NHSL3: variants seen among roughly 807,000 people sequenced by gnomAD.
NHSL3 encodes NHS like 3.
chr1:32,769,886 G>T, the NHSL3 span: 1 of 1,610,180 alleles, frequency 6.2e-7, no homozygotes, highest in Non-Finnish European at 8.5e-7. Context: ...CCAGGCCTGA[G>T]GAATGAGCGT....
At chr1:32,758,795 C>T in the NHSL3 span, among the ~76,000 whole-genome samples, 1 of 152,026 alleles carries the variant, frequency 6.6e-6, no homozygotes, top group Non-Finnish European at 1.5e-5. Context: ...GTACCTGGCT[C>T]AGGATCATGT....
the NHSL3 span, among the ~76,000 whole-genome samples, chr1:32,747,341 AT>A: frequency 1.3e-5 from 2 of 151,700 alleles, no homozygotes; most frequent in Non-Finnish European, 2.9e-5. Context: ...TGCCTGGCTA[AT>A]TTTTGTATTT....
the NHSL3 span, among the ~76,000 whole-genome samples, chr1:32,758,185 C>T: frequency 6.6e-6 from 1 of 152,200 alleles, no homozygotes; most frequent in Non-Finnish European, 1.5e-5. Context: ...CTCCCCTTCC[C>T]AGGCTAGCTG....
the NHSL3 span, among the ~76,000 whole-genome samples, chr1:32,744,967 A>G: frequency 6.6e-6 from 1 of 152,066 alleles, no homozygotes; most frequent in Non-Finnish European, 1.5e-5. Context: ...CTCTACTAAA[A>G]TACAAAAAAT....
chr1:32,765,593 G>A, the NHSL3 span: 45 of 1,492,954 alleles, frequency 3.0e-5, no homozygotes, highest in Non-Finnish European at 1.8e-6. Flanking sequence ...CAGTGGCGAA[G>A]GTGGGAGGAG....
the NHSL3 span, chr1:32,770,148 A>T: frequency 6.3e-7 from 1 of 1,589,968 alleles, no homozygotes; most frequent in Non-Finnish European, 8.6e-7. The surrounding 1 kb of genome is among the most constrained non-coding windows in gnomAD (Gnocchi z 8.3). Flanking sequence ...CCATGTCCCT[A>T]GCAGTGCCTG....
chr1:32,747,483 G>T, the NHSL3 span, among the ~76,000 whole-genome samples: 6 of 152,076 alleles, frequency 3.9e-5, no homozygotes, highest in Admixed American at 2.0e-4. Context: ...GACAAAGATG[G>T]GGTTTAATGG....
chr1:32,772,240 G>C, the NHSL3 span: 6 of 1,605,674 alleles, frequency 3.7e-6, no homozygotes, highest in Non-Finnish European at 5.1e-6. Context: ...GTCACCTAAG[G>C]CTCCCCCACC....
At chr1:32,762,810 A>G in the NHSL3 span, among the ~76,000 whole-genome samples, 1 of 152,070 alleles carries the variant, frequency 6.6e-6, no homozygotes, top group East Asian at 1.9e-4. Flanking sequence ...GGCTGGTCTC[A>G]AACTCCTGAC....
the NHSL3 span, among the ~76,000 whole-genome samples, chr1:32,752,936 CACACACACACACACATATATATAT>C: frequency 1.7e-3 from 16 of 9,186 alleles, no homozygotes; most frequent in Non-Finnish European, 3.0e-3. Context: ...CACACACACA[CACACACACACACACATATATATAT>C]ATATATATTT....
At chr1:32,760,387 G>A in the NHSL3 span, among the ~76,000 whole-genome samples, 9 of 152,214 alleles carry the variant, frequency 5.9e-5, no homozygotes, top group African/African-American at 2.2e-4. Flanking sequence ...GCGCATGCGC[G>A]TGGCCTTGGG....
At chr1:32,755,918 G>C in the NHSL3 span, among the ~76,000 whole-genome samples, 1 of 152,114 alleles carries the variant, frequency 6.6e-6, no homozygotes, top group Admixed American at 6.5e-5. Flanking sequence ...ATGGTCGCTC[G>C]GATCTGATGG....
At chr1:32,752,930 CACACACACACACACACACACAT>C in the NHSL3 span, among the ~76,000 whole-genome samples, 1 of 18,306 alleles carries the variant, frequency 5.5e-5, no homozygotes, top group African/African-American at 1.2e-4. Flanking sequence ...CACACACACA[CACACACACACACACACACACAT>C]ATATATATAT....
the NHSL3 span, among the ~76,000 whole-genome samples, chr1:32,745,143 AAG>A: frequency 6.6e-6 from 1 of 151,394 alleles, no homozygotes; most frequent in African/African-American, 2.4e-5. Context: ...AGAAAAAAAA[AAG>A]AAAATTATAT....
chr1:32,765,659 G>A, the NHSL3 span: 1 of 1,532,576 alleles, frequency 6.5e-7, no homozygotes, highest in African/African-American at 1.4e-5. Context: ...TCTGCGGCGG[G>A]GCGGGAGGGC....
chr1:32,751,615 GC>G, the NHSL3 span, among the ~76,000 whole-genome samples: 3 of 152,132 alleles, frequency 2.0e-5, no homozygotes, highest in Non-Finnish European at 4.4e-5. Context: ...TGTCTGTGGG[GC>G]CTTCATTAAG....
the NHSL3 span, among the ~76,000 whole-genome samples, chr1:32,747,877 C>A: frequency 6.6e-6 from 1 of 151,944 alleles, no homozygotes; most frequent in Non-Finnish European, 1.5e-5. Context: ...GGGGCCAAGG[C>A]GGGAGGGGAT....
At chr1:32,761,321 G>A in the NHSL3 span, among the ~76,000 whole-genome samples, 8 of 152,296 alleles carry the variant, frequency 5.3e-5, no homozygotes, top group South Asian at 1.7e-3. Flanking sequence ...TAGATCTGGG[G>A]TGACTCGGAG....
chr1:32,772,838 T>C, the NHSL3 span: 1 of 1,613,288 alleles, frequency 6.2e-7, no homozygotes, highest in African/African-American at 1.3e-5. Context: ...GGCCCCTTGC[T>C]AAGTGTCTCT....
Sources: gnomAD v4.1 joint callset for allele counts (sites outside exome capture counted in the v4.1 genomes callset) on GRCh38, gnomAD v4.1.1 for gene constraint, Gnocchi (gnomAD v3.1) non-coding constraint, MANE v1.5 for transcripts, NCBI Gene and HGNC (gene_info 2026-07-23, HGNC 2026-07-21) for gene names.